Variants in CDH9 observed in about 807,000 individuals in gnomAD.
CDH9 encodes cadherin-9.
A neutral mutation model predicts 70.9 loss-of-function variants in CDH9; 28 were observed. The ratio of observed to expected loss-of-function variants is 0.40; its 90% CI spans 0.29 to 0.54. CDH9 has a LOEUF of 0.54. CDH9 is among the 20% of genes least tolerant of loss of function. The probability of loss-of-function intolerance (pLI) is 0.59; values close to 1 mark genes in which losing one functional copy is unlikely to be tolerated. For synonymous variants in CDH9, 409 were observed against 343.1 expected, an observed-to-expected ratio of 1.19 and a Z score of -2.12; for missense variants, 874 against 984.4, an observed-to-expected ratio of 0.89 and a Z score of 1.50.
At chr5:26,888,640 T>C (rs1326165683) in intron 9 of CDH9, among the ~76,000 whole-genome samples, 1 of 152,190 alleles carries the variant, frequency 6.6e-6, no homozygotes, top group Non-Finnish European at 1.5e-5. Context: ...TGGAATGTAC[T>C]GTGTATCTCT....
intron 1 of CDH9, among the ~76,000 whole-genome samples, chr5:27,021,578 T>A (rs555682537): frequency 2.0e-5 from 3 of 151,958 alleles, no homozygotes; most frequent in South Asian, 4.1e-4. Context: ...TAGTATAAAA[T>A]ATGATGCAGT....
intron 2 of CDH9, among the ~76,000 whole-genome samples, chr5:26,926,561 T>C (rs1741343460): frequency 6.6e-6 from 1 of 151,654 alleles, no homozygotes; most frequent in Non-Finnish European, 1.5e-5. Context: ...AAGCTACCAA[T>C]GACTTTCTTC....
intron 1 of CDH9, among the ~76,000 whole-genome samples, chr5:27,020,210 A>AT (rs1240866708): frequency 2.6e-5 from 4 of 151,750 alleles, no homozygotes; most frequent in African/African-American, 9.7e-5. Context: ...TTAATATTTA[A>AT]TTTAAAAAAA....
intron 1 of CDH9, among the ~76,000 whole-genome samples, chr5:26,990,515 C>G (rs915615759): frequency 2.0e-5 from 3 of 152,084 alleles, no homozygotes; most frequent in African/African-American, 7.2e-5. Flanking sequence ...ATTTGTAATC[C>G]TGTAAACTGT....
At chr5:26,952,458 C>CAAAAAAAAAAAAAA (rs766973787) in intron 2 of CDH9, among the ~76,000 whole-genome samples, 2 of 9,964 alleles carry the variant, frequency 2.0e-4, no homozygotes, top group Non-Finnish European at 5.3e-4. Context: ...ACTAAAAATA[C>CAAAAAAAAAAAAAA]AAAAAAAAAA....
chr5:27,004,068 GA>G (rs1165280393), intron 1 of CDH9, among the ~76,000 whole-genome samples: 2 of 149,810 alleles, frequency 1.3e-5, no homozygotes, highest in African/African-American at 4.9e-5. Context: ...ATAAATTGGG[GA>G]GGTAGTTACT....
chr5:26,916,360 T>G (rs1741149405), intron 2 of CDH9, among the ~76,000 whole-genome samples: 1 of 151,956 alleles, frequency 6.6e-6, no homozygotes, highest in African/African-American at 2.4e-5. Flanking sequence ...TCAGAATAGC[T>G]ACCTTAATTT....
chr5:26,905,302 C>G (rs1432559371), intron 5 of CDH9, among the ~76,000 whole-genome samples: 1 of 152,122 alleles, frequency 6.6e-6, no homozygotes, highest in Non-Finnish European at 1.5e-5. Context: ...ATGGTGACAA[C>G]TGAAAGAGTG....
intron 2 of CDH9, among the ~76,000 whole-genome samples, chr5:26,930,876 T>TGTATTTCTTTGTTTATTTTA: frequency 6.6e-6 from 1 of 152,264 alleles, no homozygotes; most frequent in Admixed American, 6.6e-5. Flanking sequence ...CAGCCATAAA[T>TGTATTTCTTTGTTTATTTTA]GTATTTCTTT....
At chr5:26,960,168 C>T (rs1742010690) in intron 2 of CDH9, among the ~76,000 whole-genome samples, 3 of 151,874 alleles carry the variant, frequency 2.0e-5, no homozygotes, top group Admixed American at 1.3e-4. Flanking sequence ...AATCACCTGT[C>T]CAGGAATGTG....
intron 2 of CDH9, among the ~76,000 whole-genome samples, chr5:26,962,561 C>T (rs1475076108): frequency 6.6e-6 from 1 of 152,140 alleles, no homozygotes; most frequent in Admixed American, 6.5e-5. Context: ...TTGCATTTCT[C>T]TAATGCCCAG....
chr5:26,950,407 C>T (rs1741825102), intron 2 of CDH9, among the ~76,000 whole-genome samples: 1 of 152,054 alleles, frequency 6.6e-6, no homozygotes, highest in African/African-American at 2.4e-5. Context: ...TAAATTAAAA[C>T]CAGATTATGT....
At position 26,907,366 on chromosome 5, in the gene CDH9, C is replaced by T. The variant is rs965614754; in HGVS notation, c.524-528G>A. On this transcript the variant is annotated intron_variant, in intron 3 of 11. Coordinates refer to ENST00000231021, the MANE Select transcript of CDH9 (RefSeq NM_016279.4). ...ATTGACCTGCAAGATATTTTTTGTT[C>T]CCAAGATATACCTAATTATGAAGGG... 4.6e-5 allele frequency among the ~76,000 whole-genome samples: 7 copies of T among 151,932 alleles called. No homozygotes were observed. The East Asian group carries it at 1.4e-3, about 29-fold the overall frequency.
chr5:26,971,872 G>A (rs2112074005), intron 2 of CDH9, among the ~76,000 whole-genome samples: 1 of 152,170 alleles, frequency 6.6e-6, no homozygotes, highest in African/African-American at 2.4e-5. Context: ...GTGAGAAAAT[G>A]GCTCATAAAA....
chr5:26,952,478 A>C lies in CDH9; in HGVS notation c.228+35628T>G, dbSNP rs868143812. On this transcript the variant is annotated intron_variant, in intron 2 of 11. Transcript: ENST00000231021. ...AAATACAAAAAAAAAAAAAAAAAAA[A>C]AAAAAAAAAAGCCGGGCGTGGTGGG... 6.1e-3 allele frequency among the ~76,000 whole-genome samples: 829 copies of C among 135,204 alleles called. 7 individuals are homozygous for C. Among genetic ancestry groups the C allele is most frequent in the South Asian group, 0.023 (87 of 3,860 alleles). 88.7% of individuals were successfully genotyped at this position (135,204 alleles called of 152,430 possible). A position where few individuals can be genotyped will look rare whatever the true frequency, so the allele number is the denominator to read the frequency against.
chr5:26,886,379 C>A (rs1256210615), intron 9 of CDH9, among the ~76,000 whole-genome samples: 2 of 152,112 alleles, frequency 1.3e-5, no homozygotes, highest in Middle Eastern at 6.8e-3. Flanking sequence ...CCCTCCAATA[C>A]CTATCCTCTT....
intron 3 of CDH9, among the ~76,000 whole-genome samples, chr5:26,907,951 T>C (rs1271841354): frequency 2.0e-5 from 3 of 152,156 alleles, no homozygotes; most frequent in African/African-American, 4.8e-5. Flanking sequence ...TGGATGTTTC[T>C]CAAATGTTGC....
At chr5:27,032,276 C>G (rs1743322140) in intron 1 of CDH9, among the ~76,000 whole-genome samples, 1 of 151,240 alleles carries the variant, frequency 6.6e-6, no homozygotes, top group Admixed American at 6.6e-5. Flanking sequence ...ATATTTATTA[C>G]AAGTGTAATA....
chr5:27,034,307 G>A (rs1354964896), intron 1 of CDH9, among the ~76,000 whole-genome samples: 2 of 151,472 alleles, frequency 1.3e-5, no homozygotes, highest in Admixed American at 6.6e-5. Context: ...CTGATATGAG[G>A]GGTTGGCTTT....
Sources: gnomAD v4.1 joint callset for allele counts (sites outside exome capture counted in the v4.1 genomes callset) on GRCh38, gnomAD v4.1.1 for gene constraint, MANE v1.5 for transcripts, NCBI Gene and HGNC (gene_info 2026-07-23, HGNC 2026-07-21) for gene names.